DPYD: variants seen among roughly 807,000 people sequenced by gnomAD.
The protein encoded by DPYD is dihydropyrimidine dehydrogenase.
Under a neutral mutation model 116.2 loss-of-function variants are expected in DPYD, and 109 were observed. The ratio of observed to expected loss-of-function variants is 0.94; its 90% confidence interval spans 0.80 to 1.10. The LOEUF (loss-of-function observed/expected upper bound fraction) is 1.10, where lower values mean the gene tolerates loss of function less well. Ranked by LOEUF, DPYD falls within the 50% of genes least tolerant of loss-of-function variation. The pLI, the probability that DPYD is intolerant of heterozygous loss-of-function variation, is 0.00. For synonymous variants in DPYD, 440 were observed against 432.0 expected (o/e 1.02, Z -0.23); for missense variants, 1,302 against 1,254.5 (o/e 1.04, Z -0.57).
intron 1 of DPYD, among the ~76,000 whole-genome samples, chr1:97,887,469 TAAAAAAAAAAAAAAA>T (rs57316508): frequency 2.1e-5 from 1 of 47,140 alleles, no homozygotes; most frequent in East Asian, 5.9e-4. Flanking sequence ...GACTCTGCAT[TAAAAAAAAAAAAAAA>T]AAAAAAAAAA....
intron 20 of DPYD, among the ~76,000 whole-genome samples, chr1:97,104,412 G>T (rs1650982870): frequency 6.6e-6 from 1 of 152,024 alleles, no homozygotes. Context: ...CATTTATAAG[G>T]AGCCAGACAC....
At position 97,462,157 on chromosome 1, in the gene DPYD, T is replaced by C. The variant is rs1677068048; in HGVS notation, c.1741-11934A>G. 2.0e-5 allele frequency among the ~76,000 whole-genome samples: 3 copies of C among 152,214 alleles called. No individual in the cohort carries two copies. The South Asian group carries it at 6.2e-4, about 31-fold the overall frequency. Reference sequence around the variant, plus strand: ...ACCCTGAGAATTCTAGATTTCACAATGTGTTATTCATAATAGCACTCTAAT... The same window carrying C: ...ACCCTGAGAATTCTAGATTTCACAACGTGTTATTCATAATAGCACTCTAAT... On this transcript the variant is annotated intron_variant, in intron 13 of 22. Coordinates refer to ENST00000370192, the MANE Select transcript of DPYD (RefSeq NM_000110.4).
At chr1:97,784,116 T>TC (rs1384720444) in intron 3 of DPYD, among the ~76,000 whole-genome samples, 1 of 152,194 alleles carries the variant, frequency 6.6e-6, no homozygotes. Flanking sequence ...ATACTTGACT[T>TC]CATTTGATTT....
At chr1:97,100,483 T>C (rs1228071696) in intron 20 of DPYD, among the ~76,000 whole-genome samples, 2 of 152,082 alleles carry the variant, frequency 1.3e-5, no homozygotes, top group African/African-American at 4.8e-5. Flanking sequence ...TTGAAACATA[T>C]GACCTCTGGT....
At chr1:97,807,354 C>T (rs7542014) in intron 3 of DPYD, among the ~76,000 whole-genome samples, 7,378 of 152,042 alleles carry the variant, frequency 0.049, 578 homozygotes, top group African/African-American at 0.16. Flanking sequence ...TTTTGGCCAT[C>T]CTAATTGTGT....
chr1:97,527,205 A>G (rs1005086551), intron 12 of DPYD, among the ~76,000 whole-genome samples: 7 of 151,750 alleles, frequency 4.6e-5, no homozygotes, highest in African/African-American at 1.7e-4. Flanking sequence ...CAGCCTCTCG[A>G]GTAGCTGGGA....
intron 8 of DPYD, among the ~76,000 whole-genome samples, chr1:97,648,256 A>T (rs1212589465): frequency 6.6e-6 from 1 of 151,966 alleles, no homozygotes; most frequent in African/African-American, 2.4e-5. Context: ...AGAACATCTA[A>T]CCTTAGAAAG....
rs566030796 is a variant in DPYD, at chr1:97,185,385, A to G, written c.2622+7684T>C. ...CAAACACCCACCCACAGCTGGTAGGACTGTGAAAGAGTAAAGCCACTTTGG... is the reference window on the plus strand; with the variant it reads ...CAAACACCCACCCACAGCTGGTAGGGCTGTGAAAGAGTAAAGCCACTTTGG... On this transcript the variant is annotated intron_variant, in intron 20 of 22. Coordinates refer to ENST00000370192, the MANE Select transcript of DPYD (RefSeq NM_000110.4). 1.0e-3 allele frequency among the ~76,000 whole-genome samples: 159 copies of G among 152,292 alleles called. 1 individual carries two copies. Among genetic ancestry groups the G allele is most frequent in the Non-Finnish European group, 1.9e-3 (127 of 68,020 alleles).
intron 3 of DPYD, among the ~76,000 whole-genome samples, chr1:97,772,170 T>C (rs1390779170): frequency 3.3e-5 from 5 of 152,106 alleles, no homozygotes; most frequent in Non-Finnish European, 4.4e-5. Context: ...ACAAGGAAAA[T>C]GGAGAAAATA....
At chr1:97,600,630 C>A (rs1655190608) in intron 8 of DPYD, among the ~76,000 whole-genome samples, 12 of 152,078 alleles carry the variant, frequency 7.9e-5, no homozygotes. Flanking sequence ...ACTTTCTGGG[C>A]AACAGCTTCC....
chr1:97,650,038 T>C lies in DPYD; in HGVS notation c.850+29057A>G, dbSNP rs368294604. 1.5e-4 allele frequency among the ~76,000 whole-genome samples: 23 copies of C among 152,220 alleles called. No individual in the cohort carries two copies. In the South Asian group the frequency reaches 2.1e-3, roughly 14 times the overall value. On this transcript the variant is annotated intron_variant, in intron 8 of 22. Transcript: ENST00000370192. ...CATTTCACTTCCCAACCTAGCTATC[T>C]ACCATCTCCTGCCACTGCTTCTTTT...
intron 20 of DPYD, among the ~76,000 whole-genome samples, chr1:97,170,501 T>C (rs530303562): frequency 2.6e-5 from 4 of 152,192 alleles, no homozygotes; most frequent in Admixed American, 6.5e-5. Context: ...CAGGCAACCA[T>C]ACACATCTAC....
At chr1:97,284,588 T>C (rs12049622) in intron 18 of DPYD, among the ~76,000 whole-genome samples, 35,455 of 151,972 alleles carry the variant, frequency 0.23, 4,332 homozygotes, top group Middle Eastern at 0.28. Flanking sequence ...TAATTGCTAG[T>C]CAATTTTTTA....
chr1:97,490,337 ATAT>A (rs1335248094), intron 13 of DPYD, among the ~76,000 whole-genome samples: 1 of 148,092 alleles, frequency 6.8e-6, no homozygotes, highest in Non-Finnish European at 1.5e-5. Context: ...TACTGATAAT[ATAT>A]TATATATTAC....
intron 20 of DPYD, among the ~76,000 whole-genome samples, chr1:97,137,459 C>CA (rs1289176056): frequency 6.6e-6 from 1 of 152,172 alleles, no homozygotes; most frequent in Non-Finnish European, 1.5e-5. Flanking sequence ...CATTAAATTT[C>CA]AGACAGGGGA....
At chr1:97,191,468 T>C (rs948457343) in intron 20 of DPYD, among the ~76,000 whole-genome samples, 1 of 152,128 alleles carries the variant, frequency 6.6e-6, no homozygotes, top group African/African-American at 2.4e-5. Flanking sequence ...CGAATGATAA[T>C]GCTGAAAATT....
At chr1:97,083,276 CTTTTGT>C (rs1649292815) in intron 21 of DPYD, among the ~76,000 whole-genome samples, 1 of 152,014 alleles carries the variant, frequency 6.6e-6, no homozygotes, top group African/African-American at 2.4e-5. Context: ...AAGATTTTTG[CTTTTGT>C]TTTTAACTAT....
At chr1:97,172,861 GAATT>G (rs1358662780) in intron 20 of DPYD, among the ~76,000 whole-genome samples, 4 of 152,108 alleles carry the variant, frequency 2.6e-5, no homozygotes, top group Non-Finnish European at 5.9e-5. Flanking sequence ...CTATAGAATG[GAATT>G]AATGAGGACA....
At chr1:97,662,297 T>A (rs1659312486) in intron 8 of DPYD, among the ~76,000 whole-genome samples, 1 of 151,794 alleles carries the variant, frequency 6.6e-6, no homozygotes, top group Admixed American at 6.6e-5. Flanking sequence ...CCACCGCACC[T>A]GGCCCCAAGT....
Sources: allele counts gnomAD v4.1 joint callset (sites outside exome capture counted in the v4.1 genomes callset), GRCh38; gene constraint gnomAD v4.1.1; transcripts MANE v1.5; gene names NCBI Gene and HGNC (gene_info 2026-07-23, HGNC 2026-07-21).